The following ANO4 variants were observed in gnomAD, a reference collection of about 807,000 sequenced individuals.
ANO4 encodes the protein anoctamin-4.
A neutral mutation model predicts 141.9 loss-of-function variants in ANO4; 69 were observed. The observed-to-expected ratio is 0.49, with a 90% CI of 0.40 to 0.59. The LOEUF is 0.59. Among genes scored for constraint, ANO4 ranks in the 20% least tolerant of loss-of-function variants. ANO4 has a pLI of 0.00. For missense variants in ANO4, 894 were observed against 1,162.2 expected (o/e 0.77, Z 3.36); for synonymous variants, 350 against 394.3 (o/e 0.89, Z 1.33).
chr12:100,795,040 G>A lies in ANO4; in HGVS notation c.-141+13G>A, dbSNP rs1355264917. The A allele has an allele frequency of 1.3e-5, 2 of 152,606 alleles. No individual in the cohort carries two copies. Among genetic ancestry groups the A allele is most frequent in the Admixed American group, 6.5e-5 (1 of 15,274 alleles). 9.5% of individuals were successfully genotyped at this position (152,606 alleles called of 1,614,324 possible). On this transcript the variant is annotated intron_variant, in intron 1 of 27. Transcript: ENST00000392977. ...TTCTATTTTTATGGTAAGTGCTTAC[G>A]TTGAATGAGCTGCTCTGTTGCTGCA...
chr12:101,090,010 C>G (rs889309650), intron 17 of ANO4, among the ~76,000 whole-genome samples: 4 of 152,212 alleles, frequency 2.6e-5, no homozygotes, highest in Non-Finnish European at 5.9e-5. Context: ...CTCACCATCA[C>G]TGGCCATCAG....
At chr12:101,066,509 A>G (rs990141051) in intron 14 of ANO4, among the ~76,000 whole-genome samples, 4 of 152,252 alleles carry the variant, frequency 2.6e-5, no homozygotes, top group South Asian at 4.1e-4. Flanking sequence ...CCCATTTACA[A>G]TAGCTACAAA....
chr12:101,079,062 A>C, intron 14 of ANO4, 131 bp from the exon 15 acceptor site: 3 of 756,088 alleles, frequency 4.0e-6, no homozygotes, highest in Non-Finnish European at 6.8e-6. Context: ...TCAGCTGGAA[A>C]TTCTGATATT....
At chr12:101,069,790 G>A (rs1043824632) in intron 14 of ANO4, among the ~76,000 whole-genome samples, 5 of 151,782 alleles carry the variant, frequency 3.3e-5, no homozygotes, top group Admixed American at 2.6e-4. Flanking sequence ...TTTTTAAATC[G>A]AGATATAAAT....
At chr12:100,822,796 T>G (rs2036123242) in intron 1 of ANO4, among the ~76,000 whole-genome samples, 1 of 151,994 alleles carries the variant, frequency 6.6e-6, no homozygotes, top group South Asian at 2.1e-4. Flanking sequence ...GTTCCCCTTA[T>G]CTTTGGGGCT....
Position 100,987,663 on chromosome 12 carries a change from A to T in ANO4, c.727A>T (p.Ile243Phe), listed in dbSNP as rs748441811. 2 of 1,613,824 alleles carry T rather than the reference A, an allele frequency of 1.2e-6. No individual in the cohort carries two copies. The highest frequency in any genetic ancestry group is 4.5e-5 in the East Asian group (2 of 44,890). ...CACTGCCCCTTTCAGCCAGCAAAGG[A>T]TCCATCAGTGAGTGTTCCATGTTAA... Reference protein sequence around the residue: ...CYTAPFSQQRIHHFIIHNKET... With the variant: ...CYTAPFSQQRFHHFIIHNKET... The change falls in exon 8 of 28, where the codon ATC becomes TTC. Residue 243 changes from isoleucine to phenylalanine, a missense_variant. Coordinates refer to ENST00000392977, the MANE Select transcript of ANO4 (RefSeq NM_001286615.2).
chr12:101,031,273 G>A (rs944989591), intron 9 of ANO4, among the ~76,000 whole-genome samples: 1 of 152,094 alleles, frequency 6.6e-6, no homozygotes. Context: ...ATGCAAGGCT[G>A]GTTCAACATA....
At chr12:100,905,452 AAGAAG>A (rs1458794486) in intron 2 of ANO4, among the ~76,000 whole-genome samples, 3 of 148,484 alleles carry the variant, frequency 2.0e-5, no homozygotes, top group African/African-American at 7.9e-5. Context: ...AAAGTTTATC[AAGAAG>A]AGAAGAATGG....
intron 2 of ANO4, 25 bp downstream of exon 2, chr12:100,901,865 G>A (rs1033000958): frequency 2.6e-6 from 4 of 1,568,338 alleles, no homozygotes; most frequent in Non-Finnish European, 3.5e-6. Context: ...AGTTCAACGG[G>A]GACCCATTTC....
intron 2 of ANO4, among the ~76,000 whole-genome samples, chr12:100,737,022 C>G (rs910649677): frequency 5.9e-5 from 9 of 152,168 alleles, no homozygotes; most frequent in Non-Finnish European, 1.3e-4. Context: ...CCCTAGAAAA[C>G]TAACCTCTGA....
intron 3 of ANO4, among the ~76,000 whole-genome samples, chr12:100,751,507 CTA>C (rs1018568658): frequency 2.0e-5 from 3 of 152,058 alleles, no homozygotes; most frequent in African/African-American, 4.8e-5. Context: ...ATTTTGGAAA[CTA>C]TGCAGTTTTT....
chr12:100,870,573 CA>C (rs544562675), intron 1 of ANO4, among the ~76,000 whole-genome samples: 20 of 152,138 alleles, frequency 1.3e-4, no homozygotes, highest in Middle Eastern at 3.4e-3. Flanking sequence ...CAAATACCAT[CA>C]CAGTATAATT....
At chr12:100,981,817 A>C (rs1240555938) in intron 7 of ANO4, among the ~76,000 whole-genome samples, 1 of 152,148 alleles carries the variant, frequency 6.6e-6, no homozygotes, top group African/African-American at 2.4e-5. Context: ...ACAGGTTAGC[A>C]TGTTGGGAGC....
At chr12:100,791,717 G>A (rs921774664), upstream of ANO4, among the ~76,000 whole-genome samples, 1 of 152,132 alleles carries the variant, frequency 6.6e-6, no homozygotes, top group African/African-American at 2.4e-5. Flanking sequence ...CATATAAAAG[G>A]AAGCTCTGAG....
intron 1 of ANO4, among the ~76,000 whole-genome samples, chr12:100,850,117 A>G (rs189922987): frequency 6.6e-5 from 10 of 152,336 alleles, no homozygotes; most frequent in Non-Finnish European, 1.5e-4. Context: ...TTAATCGTTT[A>G]TTTAGGGATA....
At chr12:100,739,803 C>T in intron 2 of ANO4, 2 of 689,548 alleles carry the variant, frequency 2.9e-6, no homozygotes, top group Non-Finnish European at 5.3e-6. Context: ...AAAATAAGCA[C>T]ACTATATGGC....
upstream of ANO4, among the ~76,000 whole-genome samples, chr12:100,717,364 G>A (rs1483913768): frequency 1.3e-5 from 2 of 151,498 alleles, no homozygotes; most frequent in African/African-American, 2.4e-5. Context: ...GCAGCTCTAG[G>A]GGCGAGCGCG....
At chr12:100,870,496 T>G (rs185211404) in intron 1 of ANO4, among the ~76,000 whole-genome samples, 5 of 152,194 alleles carry the variant, frequency 3.3e-5, no homozygotes, top group Non-Finnish European at 5.9e-5. Flanking sequence ...CATGACAGTT[T>G]GTCATTCCAT....
rs189651959 is a variant in ANO4, at chr12:101,108,790, T to A, written c.2150-1614T>A. 5.9e-3 allele frequency among the ~76,000 whole-genome samples: 892 copies of A among 152,198 alleles called. 11 individuals carry two copies. Among genetic ancestry groups the A allele is most frequent in the African/African-American group, 0.02 (820 of 41,522 alleles). On this transcript the variant is annotated intron_variant, in intron 22 of 27. Coordinates refer to ENST00000392977, the MANE Select transcript of ANO4 (RefSeq NM_001286615.2). ...CAGAAACCACCTCCTTTTGAAAAAA[T>A]TTTTATTTTGCAAGTTGCAAAAAGA... is the stretch of plus-strand genomic sequence containing the variant.
Sources: gnomAD v4.1 joint callset for allele counts (sites outside exome capture counted in the v4.1 genomes callset) on GRCh38, gnomAD v4.1.1 for gene constraint, MANE v1.5 for transcripts, NCBI Gene and HGNC (gene_info 2026-07-23, HGNC 2026-07-21) for gene names.